The following AOAH variants were observed in gnomAD, a reference collection of about 807,000 sequenced individuals.
AOAH encodes acyloxyacyl hydrolase, also known as acyloxyacyl hydrolase (neutrophil).
Under a neutral mutation model 92.2 loss-of-function variants are expected in AOAH, and 64 were observed. The observed-to-expected ratio is 0.69, with a 90% CI of 0.57 to 0.86. The LOEUF is 0.86. Ranked by LOEUF, AOAH falls within the 40% of genes least tolerant of loss-of-function variation. The probability of loss-of-function intolerance (pLI) is 0.00; values close to 1 mark genes in which losing one functional copy is unlikely to be tolerated. For missense variants in AOAH, 656 were observed against 694.6 expected, an observed-to-expected ratio of 0.94 and a Z score of 0.62; for synonymous variants, 263 against 254.5, an observed-to-expected ratio of 1.03 and a Z score of -0.32.
At chr7:36,550,965 C>T (rs1362806644) in intron 13 of AOAH, among the ~76,000 whole-genome samples, 2 of 152,102 alleles carry the variant, frequency 1.3e-5, no homozygotes, top group East Asian at 3.8e-4. Context: ...TAGTGGCAAG[C>T]TGTACAGGCA....
rs749675951 is a variant in AOAH at position 36,516,445 on chromosome 7, A to C, written c.1600-3065T>G. ...CAGAAAGCACGCAGATACCCCCCCC[A>C]CACACACAGAAAGTGCACGGATACC... is the stretch of plus-strand genomic sequence containing the variant. On this transcript the variant is annotated intron_variant, in intron 20 of 20. Transcript: ENST00000617537. This position sits in a 1 kb window ranked among gnomAD's most constrained non-coding sequence, Gnocchi z 5.0. Among the ~76,000 whole-genome samples the C allele has an allele frequency of 3.8e-3, 279 of 72,652 alleles. 25 individuals carry two copies. Among genetic ancestry groups the C allele is most frequent in the Non-Finnish European group, 5.9e-3 (156 of 26,588 alleles). 47.7% of individuals were successfully genotyped at this position (72,652 alleles called of 152,430 possible). A position where few individuals can be genotyped will look rare whatever the true frequency, so the allele number is the denominator to read the frequency against.
chr7:36,662,751 A>T (rs1311945863), intron 3 of AOAH, among the ~76,000 whole-genome samples: 1 of 152,166 alleles, frequency 6.6e-6, no homozygotes, highest in Non-Finnish European at 1.5e-5. Context: ...AAGTAAGGCA[A>T]CTTGAATGTG....
intron 6 of AOAH, among the ~76,000 whole-genome samples, chr7:36,629,902 G>A (rs1298431980): frequency 6.6e-6 from 1 of 152,208 alleles, no homozygotes; most frequent in African/African-American, 2.4e-5. Flanking sequence ...CTGCGAATGT[G>A]ACCTTATTTG....
At chr7:36,562,531 A>G (rs2893531) in intron 13 of AOAH, among the ~76,000 whole-genome samples, 148,552 of 152,294 alleles carry the variant, frequency 0.98, 72,563 homozygotes, top group East Asian at 1. Context: ...CCTGTCTCCA[A>G]TGACGAGAAG....
chr7:36,523,637 T>TTTTTG (rs1333803227), intron 19 of AOAH, among the ~76,000 whole-genome samples: 30 of 140,884 alleles, frequency 2.1e-4, no homozygotes, highest in African/African-American at 6.7e-4. Flanking sequence ...CTGTTTTTTT[T>TTTTTG]TTTTTTTTTT....
rs550032863 is a variant in AOAH, at chr7:36,596,508, C to A, written c.847-2078G>T. ...AGGTCATACTGGAATAAGATGGGCCCCCAGTCCAGTATGACTGGTCCTTAT... is the reference window on the plus strand; with the variant it reads ...AGGTCATACTGGAATAAGATGGGCCACCAGTCCAGTATGACTGGTCCTTAT... On this transcript the variant is annotated intron_variant, in intron 11 of 20. Transcript: ENST00000617537. Among the ~76,000 whole-genome samples the A allele has an allele frequency of 2.5e-4, 38 of 152,144 alleles. No homozygotes were observed. In the Middle Eastern group the frequency reaches 0.01, roughly 41 times the overall value.
intron 1 of AOAH, among the ~76,000 whole-genome samples, chr7:36,697,988 G>A (rs1380512494): frequency 6.6e-6 from 1 of 152,144 alleles, no homozygotes; most frequent in African/African-American, 2.4e-5. Context: ...ACACCTAAGT[G>A]CAGACTTCCA....
chr7:36,592,218 A>T (rs1406064327), intron 12 of AOAH, among the ~76,000 whole-genome samples: 4 of 152,046 alleles, frequency 2.6e-5, no homozygotes, highest in Non-Finnish European at 5.9e-5. Context: ...AAACATATAT[A>T]TTTTTTTATT....
intron 1 of AOAH, among the ~76,000 whole-genome samples, chr7:36,719,894 C>T (rs549900807): frequency 6.6e-6 from 1 of 151,640 alleles, no homozygotes; most frequent in South Asian, 2.1e-4. Flanking sequence ...TATAATTGTA[C>T]CACTGCACTG....
intron 6 of AOAH, among the ~76,000 whole-genome samples, chr7:36,626,346 G>C (rs1005439092): frequency 6.6e-6 from 1 of 152,176 alleles, no homozygotes; most frequent in Non-Finnish European, 1.5e-5. Context: ...TTGAAAGAAG[G>C]AACAAAGAGT....
At chr7:36,700,042 T>C (rs1442603033) in intron 1 of AOAH, among the ~76,000 whole-genome samples, 8 of 152,100 alleles carry the variant, frequency 5.3e-5, no homozygotes, top group African/African-American at 1.7e-4. Flanking sequence ...GTAACACATA[T>C]TGAAGAGACT....
intron 20 of AOAH, among the ~76,000 whole-genome samples, chr7:36,519,249 T>A (rs1783985386): frequency 6.6e-6 from 1 of 152,188 alleles, no homozygotes; most frequent in Non-Finnish European, 1.5e-5. Context: ...GTCTGTCAAC[T>A]CCACGGTCAT....
intron 2 of AOAH, among the ~76,000 whole-genome samples, chr7:36,677,102 CAAT>C (rs894645023): frequency 2.0e-5 from 3 of 151,418 alleles, no homozygotes; most frequent in African/African-American, 4.8e-5. Context: ...ATTAAAATAA[CAAT>C]AAGTTTTGCA....
chr7:36,590,297 C>G (rs906737277), intron 12 of AOAH, among the ~76,000 whole-genome samples: 6 of 152,114 alleles, frequency 3.9e-5, no homozygotes, highest in Admixed American at 3.3e-4. Flanking sequence ...GCTCTTAACC[C>G]CCACAGAGAT....
chr7:36,525,253 G>A (rs939820660), intron 19 of AOAH, among the ~76,000 whole-genome samples: 6 of 152,198 alleles, frequency 3.9e-5, no homozygotes, highest in Admixed American at 2.6e-4. Context: ...AAAGGATTAT[G>A]GTGATCAGGA....
chr7:36,608,131 G>A (rs192823489), intron 11 of AOAH, among the ~76,000 whole-genome samples: 332 of 152,330 alleles, frequency 2.2e-3, no homozygotes, highest in African/African-American at 7.7e-3. Context: ...CTGTCCTGCT[G>A]CCTCGGTCAC....
At chr7:36,611,803 C>T (rs967756825) in intron 11 of AOAH, among the ~76,000 whole-genome samples, 1 of 152,148 alleles carries the variant, frequency 6.6e-6, no homozygotes, top group Admixed American at 6.5e-5. Flanking sequence ...CATACTGGTC[C>T]GCAACATTTT....
chr7:36,704,720 T>C (rs199782566), intron 1 of AOAH, among the ~76,000 whole-genome samples: 5 of 152,162 alleles, frequency 3.3e-5, no homozygotes, highest in African/African-American at 1.2e-4. Context: ...ATATCCTTGA[T>C]GAACATCAAT....
intron 1 of AOAH, among the ~76,000 whole-genome samples, chr7:36,715,228 C>T (rs937005283): frequency 1.3e-5 from 2 of 152,082 alleles, no homozygotes; most frequent in Admixed American, 6.5e-5. Flanking sequence ...TTCACAATTG[C>T]TTCAAAGAGC....
Sources: gnomAD v4.1 joint callset for allele counts (sites outside exome capture counted in the v4.1 genomes callset) on GRCh38, gnomAD v4.1.1 for gene constraint, Gnocchi (gnomAD v3.1) non-coding constraint, MANE v1.5 for transcripts, NCBI Gene and HGNC (gene_info 2026-07-23, HGNC 2026-07-21) for gene names.